Variants in OR51B5 observed in about 807,000 individuals in gnomAD.
The protein encoded by OR51B5 is olfactory receptor family 51 subfamily B member 5.
For synonymous variants in OR51B5, 186 were observed against 144.8 expected (o/e 1.28, Z -2.04); for missense variants, 456 against 374.6 (o/e 1.22, Z -1.79).
chr11:5,441,114 T>C (rs777497619), intron 1 of OR51B5: 5 of 1,613,914 alleles, frequency 3.1e-6, no homozygotes, highest in East Asian at 2.2e-5. Context: ...CACAGTGACA[T>C]AGCGTAATGG....
intron 1 of OR51B5, among the ~76,000 whole-genome samples, chr11:5,471,959 G>C (rs1391017825): frequency 6.6e-6 from 1 of 152,172 alleles, no homozygotes; most frequent in African/African-American, 2.4e-5. Flanking sequence ...TTGAGGGGCT[G>C]AAAGTTCCGG....
At chr11:5,386,617 GT>G (rs1849699571) in intron 1 of OR51B5, among the ~76,000 whole-genome samples, 1 of 152,006 alleles carries the variant, frequency 6.6e-6, no homozygotes, top group African/African-American at 2.4e-5. Context: ...GATTCATAGA[GT>G]TAGTACTTTC....
intron 1 of OR51B5, among the ~76,000 whole-genome samples, chr11:5,374,209 C>A (rs561448495): frequency 3.3e-5 from 5 of 152,288 alleles, no homozygotes; most frequent in East Asian, 1.9e-4. Context: ...GCTGCTGATA[C>A]CCAGGCAAAC....
intron 1 of OR51B5, chr11:5,454,315 T>G: frequency 6.2e-7 from 1 of 1,614,194 alleles, no homozygotes. Context: ...CATGTCCTCA[T>G]GTCAAATGTG....
intron 1 of OR51B5, among the ~76,000 whole-genome samples, chr11:5,432,644 C>CTTG (rs1256022190): frequency 6.6e-6 from 1 of 152,130 alleles, no homozygotes; most frequent in Non-Finnish European, 1.5e-5. Flanking sequence ...TTAAAATACA[C>CTTG]TTGCTTTTTA....
intron 1 of OR51B5, among the ~76,000 whole-genome samples, chr11:5,432,721 C>T (rs1443401457): frequency 6.6e-6 from 1 of 152,112 alleles, no homozygotes; most frequent in African/African-American, 2.4e-5. Flanking sequence ...CTTAGAGAGA[C>T]ACTAGGACCC....
exon 1 of OR51B5, chr11:5,342,881 G>T: frequency 6.2e-7 from 1 of 1,613,240 alleles, no homozygotes; most frequent in South Asian, 1.1e-5. Context: ...CAACACATAG[G>T]AGATGAAGAT....
chr11:5,421,033 G>C (rs1175248699), intron 1 of OR51B5, among the ~76,000 whole-genome samples: 1 of 152,176 alleles, frequency 6.6e-6, no homozygotes, highest in East Asian at 1.9e-4. Context: ...TTGAGAGATT[G>C]TACAGTTCAA....
chr11:5,402,142 G>T (rs912054690), intron 1 of OR51B5, among the ~76,000 whole-genome samples: 5 of 151,858 alleles, frequency 3.3e-5, no homozygotes, highest in African/African-American at 1.2e-4. Flanking sequence ...CTCTCAAGTA[G>T]CTGGGACTAC....
intron 1 of OR51B5, among the ~76,000 whole-genome samples, chr11:5,372,677 T>C (rs1013498407): frequency 5.9e-5 from 9 of 152,238 alleles, no homozygotes; most frequent in Non-Finnish European, 1.5e-5. Flanking sequence ...GTATCAGATA[T>C]ATGATCTGTA....
downstream of OR51B5, among the ~76,000 whole-genome samples, chr11:5,342,267 C>G (rs1033176383): frequency 6.6e-6 from 1 of 151,168 alleles, no homozygotes; most frequent in African/African-American, 2.5e-5. Flanking sequence ...TTCCTATCTG[C>G]TAACTTTATA....
intron 1 of OR51B5, among the ~76,000 whole-genome samples, chr11:5,457,404 T>A (rs1242063252): frequency 1.3e-5 from 2 of 152,252 alleles, no homozygotes; most frequent in South Asian, 2.1e-4. Flanking sequence ...TGATTTCATG[T>A]CTTTGCTATT....
Position 5,352,441 on chromosome 11 carries a change from G to C in OR51B5, n.85-5531C>G, listed in dbSNP as rs373542351. 73 of 1,574,574 alleles carry C rather than the reference G, an allele frequency of 4.6e-5. No individual in the cohort carries two copies. Among genetic ancestry groups the C allele is most frequent in the Non-Finnish European group, 6.1e-5 (70 of 1,155,186 alleles). On this transcript the variant is annotated intron_variant and non_coding_transcript_variant, in intron 1 of 4. Transcript: ENST00000415970. ...TTTATTCTCTCTGCCTCACTCTAGAGCATGACATTGTTTCACTGGTCTCTG... is the reference window on the plus strand; with the variant it reads ...TTTATTCTCTCTGCCTCACTCTAGACCATGACATTGTTTCACTGGTCTCTG...
exon 1 of OR51B5, chr11:5,505,578 T>C (rs925003786): frequency 6.5e-6 from 6 of 927,710 alleles, no homozygotes; most frequent in Non-Finnish European, 8.5e-6. Context: ...CAGTTCCACA[T>C]AGCTGGGGAG....
At chr11:5,442,758 C>T (rs986144867) in intron 1 of OR51B5, among the ~76,000 whole-genome samples, 2 of 152,264 alleles carry the variant, frequency 1.3e-5, no homozygotes, top group Middle Eastern at 3.4e-3. Context: ...TTCATTATAT[C>T]GTGGCTTCCA....
At chr11:5,377,828 A>G (rs1849551053) in intron 1 of OR51B5, among the ~76,000 whole-genome samples, 1 of 152,118 alleles carries the variant, frequency 6.6e-6, no homozygotes, top group Admixed American at 6.5e-5. Context: ...AAACAAATGG[A>G]AGAACATTCC....
At chr11:5,456,468 A>G (rs1850962930) in intron 1 of OR51B5, 1 of 152,140 alleles carries the variant, frequency 6.6e-6, no homozygotes, top group African/African-American at 2.4e-5. Flanking sequence ...ACCTTGGGTT[A>G]AAAACTCTTT....
At chr11:5,354,832 C>T (rs1009883482) in intron 1 of OR51B5, 15 of 194,560 alleles carry the variant, frequency 7.7e-5, no homozygotes, top group South Asian at 8.7e-5. Flanking sequence ...GAACTTCAAG[C>T]CACAAGAAGC....
chr11:5,479,677 C>T (rs1212215639), intron 1 of OR51B5, among the ~76,000 whole-genome samples: 2 of 151,060 alleles, frequency 1.3e-5, no homozygotes, highest in African/African-American at 4.9e-5. Flanking sequence ...ATCTACCAAG[C>T]AAATGGAAAA....
Sources: allele counts gnomAD v4.1 joint callset (sites outside exome capture counted in the v4.1 genomes callset), GRCh38; gene constraint gnomAD v4.1.1; transcripts MANE v1.5; gene names NCBI Gene and HGNC (gene_info 2026-07-23, HGNC 2026-07-21).